Variants in RIMS2 observed in about 807,000 individuals in gnomAD.
RIMS2 encodes regulating synaptic membrane exocytosis 2.
RIMS2 carries 59 observed loss-of-function variants against 174.4 expected under a neutral mutation model. The observed-to-expected ratio is 0.34, with a 90% confidence interval of 0.27 to 0.42. The LOEUF (loss-of-function observed/expected upper bound fraction) is 0.42, where lower values mean the gene tolerates loss of function less well. Ranked by LOEUF, RIMS2 falls within the 10% of genes least tolerant of loss-of-function variation. RIMS2 has a pLI of 1.00. For synonymous variants in RIMS2, 606 were observed against 572.5 expected, an observed-to-expected ratio of 1.06 and a Z score of -0.84; for missense variants, 1,620 against 1,666.3, an observed-to-expected ratio of 0.97 and a Z score of 0.48.
chr8:103,538,128 T>C (rs1840694078), intron 1 of RIMS2, among the ~76,000 whole-genome samples: 1 of 152,122 alleles, frequency 6.6e-6, no homozygotes. Context: ...TATGTATACA[T>C]ATATGGCATA....
rs574958234 is a variant in RIMS2 at position 103,885,920 on chromosome 8, C to T, written c.1321C>T (p.Leu441=). The change falls in exon 4 of 24, where the codon CTA becomes TTA. Residue 441 remains leucine (L), a synonymous_variant. Transcript: ENST00000504942. ...TCCTCCTACCCCCAGGAGGAGTCCACTACCCATAGATAGACCAGACTTGAG... is the reference window on the plus strand; with the variant it reads ...TCCTCCTACCCCCAGGAGGAGTCCATTACCCATAGATAGACCAGACTTGAG... The T allele has an allele frequency of 1.9e-5, 31 of 1,613,064 alleles. No homozygotes were observed. In the South Asian group the frequency reaches 2.5e-4, roughly 13 times the overall value.
At chr8:103,529,473 G>C (rs1347375597) in intron 1 of RIMS2, among the ~76,000 whole-genome samples, 1 of 152,202 alleles carries the variant, frequency 6.6e-6, no homozygotes, top group Non-Finnish European at 1.5e-5. Flanking sequence ...AAAACCACTG[G>C]AAAAGTGCAG....
At chr8:103,619,156 AAGTAAC>A (rs2095574798) in intron 1 of RIMS2, among the ~76,000 whole-genome samples, 1 of 151,844 alleles carries the variant, frequency 6.6e-6, no homozygotes, top group Non-Finnish European at 1.5e-5. Context: ...AAAAGCTCTC[AAGTAAC>A]AAGAGAACCA....
At chr8:104,093,029 T>C (rs537767159) in intron 19 of RIMS2, among the ~76,000 whole-genome samples, 17 of 152,154 alleles carry the variant, frequency 1.1e-4, no homozygotes, top group African/African-American at 4.1e-4. Context: ...TCTCTCGGCT[T>C]TTCTAAAAAG....
chr8:103,880,724 G>T (rs1407283071), intron 3 of RIMS2: 1 of 476,614 alleles, frequency 2.1e-6, no homozygotes, highest in Non-Finnish European at 3.8e-6. Flanking sequence ...TCTTAATTGT[G>T]ATATGTAAAA....
chr8:104,183,590 T>C (rs1173909435), intron 19 of RIMS2, among the ~76,000 whole-genome samples: 3 of 151,484 alleles, frequency 2.0e-5, no homozygotes, highest in Non-Finnish European at 4.4e-5. Flanking sequence ...ATTTTGAAAA[T>C]AAACTTTGAC....
chr8:103,969,616 T>C (rs1402323090), intron 15 of RIMS2, among the ~76,000 whole-genome samples: 1 of 152,254 alleles, frequency 6.6e-6, no homozygotes, highest in Non-Finnish European at 1.5e-5. Flanking sequence ...ACTTTATTTA[T>C]TAGAGCCCTT....
chr8:104,171,467 C>G (rs1015019971), intron 19 of RIMS2, among the ~76,000 whole-genome samples: 4 of 150,774 alleles, frequency 2.7e-5, no homozygotes, highest in African/African-American at 9.8e-5. Context: ...CTAAGTGTGT[C>G]TTTTATATCC....
intron 19 of RIMS2, among the ~76,000 whole-genome samples, chr8:104,120,766 T>A (rs1392542388): frequency 6.6e-6 from 1 of 151,942 alleles, no homozygotes; most frequent in African/African-American, 2.4e-5. Context: ...GGAAAAAAAA[T>A]TAGGAGTATC....
At chr8:103,856,164 A>G (rs936289832) in intron 3 of RIMS2, among the ~76,000 whole-genome samples, 5 of 151,694 alleles carry the variant, frequency 3.3e-5, no homozygotes, top group African/African-American at 1.2e-4. Context: ...AATCTATGTT[A>G]TCTGATATAG....
chr8:104,235,601 A>G (rs1480622749), intron 19 of RIMS2, among the ~76,000 whole-genome samples: 1 of 152,088 alleles, frequency 6.6e-6, no homozygotes, highest in East Asian at 1.9e-4. Flanking sequence ...CATCCACTAC[A>G]TAGACTGACA....
intron 2 of RIMS2, among the ~76,000 whole-genome samples, chr8:103,701,351 T>G (rs1008369359): frequency 2.0e-5 from 3 of 152,124 alleles, no homozygotes; most frequent in Non-Finnish European, 2.9e-5. Context: ...TGATAACAAC[T>G]GTACAATGTG....
intron 1 of RIMS2, among the ~76,000 whole-genome samples, chr8:103,654,406 C>T (rs1248028765): frequency 6.6e-6 from 1 of 151,870 alleles, no homozygotes; most frequent in East Asian, 1.9e-4. Context: ...AAAATTAGCA[C>T]TTTTAGATGA....
intron 19 of RIMS2, among the ~76,000 whole-genome samples, chr8:104,123,937 C>T (rs1488544781): frequency 6.6e-6 from 1 of 152,036 alleles, no homozygotes; most frequent in Admixed American, 6.6e-5. Flanking sequence ...TACTGTCTGC[C>T]ATGTGCAATA....
intron 3 of RIMS2, among the ~76,000 whole-genome samples, chr8:103,812,343 T>TTTTTTTTTTTTTTTTG (rs2098693600): frequency 1.4e-5 from 2 of 140,166 alleles, no homozygotes; most frequent in Admixed American, 1.4e-4. Context: ...TTTTTTTTTT[T>TTTTTTTTTTTTTTTTG]TTTTTTTTTT....
rs1272767647 is a variant in RIMS2, at chr8:104,213,839, T to G, written c.3335-31077T>G. ...TTGTAGTGAACCGAGATTGAGCCAC[T>G]GTACTCCAGCCTGGTGACAGAGCGA... On this transcript the variant is annotated intron_variant, in intron 19 of 23. Transcript: ENST00000504942. Among the ~76,000 whole-genome samples the G allele has an allele frequency of 4.0e-5, 6 of 149,028 alleles. No individual in the cohort carries two copies. In the South Asian group the frequency reaches 6.3e-4, roughly 16 times the overall value.
chr8:104,244,981 A>T (rs2099322594), exon 20 of RIMS2: 1 of 1,613,976 alleles, frequency 6.2e-7, no homozygotes, highest in Non-Finnish European at 8.5e-7. Flanking sequence ...GGCCGTGGAA[A>T]TGAGGAACTG....
chr8:103,698,402 A>G (rs931415656), intron 2 of RIMS2, among the ~76,000 whole-genome samples: 2 of 152,138 alleles, frequency 1.3e-5, no homozygotes, highest in African/African-American at 2.4e-5. Context: ...ATCTATTCCT[A>G]CTTTGCTGAG....
intron 2 of RIMS2, among the ~76,000 whole-genome samples, chr8:103,741,211 T>G (rs1029417922): frequency 4.6e-5 from 7 of 152,072 alleles, no homozygotes; most frequent in African/African-American, 1.7e-4. Context: ...TCTTTCAAAA[T>G]TGTTCATAAA....
Sources: gnomAD v4.1 joint callset for allele counts (sites outside exome capture counted in the v4.1 genomes callset) on GRCh38, gnomAD v4.1.1 for gene constraint, MANE v1.5 for transcripts, NCBI Gene and HGNC (gene_info 2026-07-23, HGNC 2026-07-21) for gene names.